The following EYA2 variants were observed in gnomAD, a reference collection of about 807,000 sequenced individuals.
EYA2 encodes the protein EYA transcriptional coactivator and phosphatase 2.
In EYA2, 31 loss-of-function variants were observed where a neutral mutation model predicts 69.2. That is an observed-to-expected ratio of 0.45 (90% CI 0.34 to 0.60). The LOEUF is 0.60. Ranked by LOEUF, EYA2 falls within the 20% of genes least tolerant of loss-of-function variation. EYA2 has a pLI of 0.02. For synonymous variants in EYA2, 257 were observed against 279.4 expected (o/e 0.92, Z 0.80); for missense variants, 622 against 701.2 (o/e 0.89, Z 1.28).
At chr20:46,996,541 A>G (rs879641420) in intron 2 of EYA2, among the ~76,000 whole-genome samples, 1 of 152,134 alleles carries the variant, frequency 6.6e-6, no homozygotes, top group Non-Finnish European at 1.5e-5. Flanking sequence ...TCAAATGTCC[A>G]TTGCTTCCTT....
intron 1 of EYA2, among the ~76,000 whole-genome samples, chr20:46,950,593 A>G (rs1338858643): frequency 6.6e-6 from 1 of 152,230 alleles, no homozygotes; most frequent in Non-Finnish European, 1.5e-5. Context: ...TGGAACATTA[A>G]GCAGGCACAT....
intron 4 of EYA2, among the ~76,000 whole-genome samples, chr20:47,009,716 C>A (rs1423131590): frequency 2.6e-5 from 4 of 152,206 alleles, no homozygotes; most frequent in Non-Finnish European, 5.9e-5. Context: ...CTCAACTCTG[C>A]CATTGTAGCA....
chr20:47,117,410 G>A, intron 9 of EYA2: 1 of 985,428 alleles, frequency 1.0e-6, no homozygotes, highest in Non-Finnish European at 1.2e-6. Flanking sequence ...TTTTCTTGCA[G>A]ATCCAGAGGC....
intron 5 of EYA2, among the ~76,000 whole-genome samples, chr20:47,034,131 T>C (rs1387392338): frequency 6.6e-6 from 1 of 152,246 alleles, no homozygotes; most frequent in Admixed American, 6.5e-5. Flanking sequence ...AACCCTAGGT[T>C]TAAGGTCTTT....
intron 5 of EYA2, among the ~76,000 whole-genome samples, chr20:47,018,114 A>AC (rs1983521170): frequency 6.6e-6 from 1 of 152,072 alleles, no homozygotes; most frequent in African/African-American, 2.4e-5. Context: ...AAGGTACTGA[A>AC]CTTCAACTTG....
intron 10 of EYA2, among the ~76,000 whole-genome samples, chr20:47,158,659 T>C (rs1034473775): frequency 1.3e-5 from 2 of 151,818 alleles, no homozygotes; most frequent in African/African-American, 4.8e-5. Context: ...CATGGAGAAA[T>C]GGCTGATTCT....
Position 47,089,242 on chromosome 20 carries a change from A to G in EYA2, c.665A>G (p.Glu222Gly), listed in dbSNP as rs781262786. ...ACCATTCCCTTTCTTACGCCAGGTG[A>G]ATACAACACACACAATGGACCTTCC... ...PNQSSESLAG[E>G]YNTHNGPSTP... The change falls in exon 8 of 16, where the codon GAA becomes GGA. Residue 222 changes from glutamate (E) to glycine (G), a missense_variant. Glu to Gly is a moderately conservative substitution (Grantham distance 98). This residue lies in a region of EYA2 where 365 missense variants were observed against 349.7 expected (regional missense o/e 1.04). Transcript: ENST00000327619. The G allele has an allele frequency of 6.2e-7, 1 of 1,613,912 alleles. No homozygotes were observed. Among genetic ancestry groups the G allele is most frequent in the Non-Finnish European group, 8.5e-7 (1 of 1,179,926 alleles).
chr20:47,133,486 C>G (rs1188611350), intron 9 of EYA2, among the ~76,000 whole-genome samples: 1 of 152,190 alleles, frequency 6.6e-6, no homozygotes, highest in Non-Finnish European at 1.5e-5. Context: ...AGCATGCTGC[C>G]TCCTTTGCTA....
chr20:46,899,244 C>T (rs1019770538), intron 1 of EYA2, among the ~76,000 whole-genome samples: 3 of 152,188 alleles, frequency 2.0e-5, no homozygotes, highest in African/African-American at 4.8e-5. Flanking sequence ...GCTATCATTT[C>T]CTTTGGAGGA....
chr20:46,957,425 G>A (rs1979195283), intron 1 of EYA2, among the ~76,000 whole-genome samples: 1 of 152,118 alleles, frequency 6.6e-6, no homozygotes, highest in Non-Finnish European at 1.5e-5. Context: ...CTTTGCAGAT[G>A]GGATTCAGTT....
At chr20:47,066,343 A>T (rs2031108091) in intron 5 of EYA2, among the ~76,000 whole-genome samples, 1 of 152,230 alleles carries the variant, frequency 6.6e-6, no homozygotes, top group Admixed American at 6.5e-5. Context: ...AAAAAAAAAA[A>T]TTATTTTACT....
intron 1 of EYA2, among the ~76,000 whole-genome samples, chr20:46,953,548 G>A (rs745700557): frequency 2.0e-5 from 3 of 152,140 alleles, no homozygotes; most frequent in South Asian, 2.1e-4. Flanking sequence ...GAACATCAGC[G>A]GTATGGACAG....
intron 1 of EYA2, among the ~76,000 whole-genome samples, chr20:46,935,884 G>A (rs1985887465): frequency 6.6e-6 from 1 of 151,956 alleles, no homozygotes; most frequent in African/African-American, 2.4e-5. Context: ...TTATTCGGTA[G>A]TAGTAGTTTA....
At chr20:46,967,466 C>T (rs942160247) in intron 1 of EYA2, among the ~76,000 whole-genome samples, 1 of 152,174 alleles carries the variant, frequency 6.6e-6, no homozygotes, top group Non-Finnish European at 1.5e-5. Context: ...GGAAATTAAT[C>T]CAGTCAGGGA....
intron 5 of EYA2, among the ~76,000 whole-genome samples, chr20:47,060,569 CAG>C (rs949799243): frequency 2.0e-5 from 3 of 152,268 alleles, no homozygotes; most frequent in African/African-American, 7.2e-5. Flanking sequence ...GGGAAGCTAT[CAG>C]GGGAGCGAGG....
chr20:47,149,688 CAAAAAA>C lies in EYA2; in HGVS notation c.978+6558_978+6563del, dbSNP rs59780173. On this transcript the variant is annotated intron_variant, in intron 10 of 15. Coordinates refer to ENST00000327619, the MANE Select transcript of EYA2 (RefSeq NM_005244.5). Reference sequence around the variant, plus strand: ...CAAAACCCCATCTCTACTAAAAATACAAAAAAAAAAAAAAAAAAAAAAATTAGCCAA... The same window carrying C: ...CAAAACCCCATCTCTACTAAAAATACAAAAAAAAAAAAAAAAATTAGCCAA... Among the ~76,000 whole-genome samples, 1,017 of 102,698 alleles carry C rather than the reference CAAAAAA, an allele frequency of 9.9e-3. 14 individuals are homozygous for C. The highest frequency in any genetic ancestry group is 0.031 in the African/African-American group (847 of 26,980). 67.4% of individuals were successfully genotyped at this position (102,698 alleles called of 152,430 possible).
chr20:46,906,291 T>G (rs1194584098), intron 1 of EYA2, among the ~76,000 whole-genome samples: 1 of 152,250 alleles, frequency 6.6e-6, no homozygotes, highest in Non-Finnish European at 1.5e-5. Context: ...TGTGATCTAT[T>G]CATTTAAAAT....
intron 9 of EYA2, among the ~76,000 whole-genome samples, chr20:47,140,840 G>A (rs2033579324): frequency 6.6e-6 from 1 of 152,190 alleles, no homozygotes; most frequent in African/African-American, 2.4e-5. Flanking sequence ...TTGGGTAGCT[G>A]TACCTGGTGA....
intron 10 of EYA2, among the ~76,000 whole-genome samples, chr20:47,159,404 C>T (rs1414619379): frequency 2.6e-5 from 4 of 151,886 alleles, no homozygotes; most frequent in Admixed American, 2.6e-4. Flanking sequence ...TCCTTCACAC[C>T]GTCCTCAAAA....
Sources: allele counts gnomAD v4.1 joint callset (sites outside exome capture counted in the v4.1 genomes callset), GRCh38; gene constraint gnomAD v4.1.1; regional missense constraint gnomAD v4.1.1; transcripts MANE v1.5; gene names NCBI Gene and HGNC (gene_info 2026-07-23, HGNC 2026-07-21).